Variants in KYNU observed in about 807,000 individuals in gnomAD.
The protein encoded by KYNU is kynureninase.
KYNU carries 54 observed loss-of-function variants against 59.2 expected under a neutral mutation model. That is an observed-to-expected ratio of 0.91 (90% CI 0.73 to 1.14). The LOEUF is 1.14. Ranked by LOEUF, KYNU falls within the 50% of genes most tolerant of loss-of-function variation. The pLI is 0.00. For missense variants in KYNU, 567 were observed against 554.4 expected (o/e 1.02, Z -0.23); for synonymous variants, 177 against 192.0 (o/e 0.92, Z 0.65).
At chr2:142,917,164 A>T (rs1014128357) in intron 2 of KYNU, among the ~76,000 whole-genome samples, 1 of 152,166 alleles carries the variant, frequency 6.6e-6, no homozygotes, top group Non-Finnish European at 1.5e-5. Flanking sequence ...GCCTTTGGGA[A>T]AAAAAGGTAA....
At chr2:142,995,520 T>A (rs1685514486) in intron 10 of KYNU, among the ~76,000 whole-genome samples, 1 of 152,066 alleles carries the variant, frequency 6.6e-6, no homozygotes, top group Admixed American at 6.6e-5. Flanking sequence ...GCAGAACAAT[T>A]GTGATTAGAT....
chr2:142,934,081 G>C (rs147916520), intron 4 of KYNU, among the ~76,000 whole-genome samples: 2,318 of 152,326 alleles, frequency 0.015, 32 homozygotes, highest in Non-Finnish European at 0.025. Flanking sequence ...TAAGCGATAA[G>C]TTTCATCTGG....
At chr2:142,933,421 G>A (rs1444191140) in intron 4 of KYNU, among the ~76,000 whole-genome samples, 2 of 152,144 alleles carry the variant, frequency 1.3e-5, no homozygotes, top group Non-Finnish European at 2.9e-5. Context: ...GGCTTTAGCA[G>A]CTTGGTATAA....
At chr2:143,004,876 AG>A (rs1685823997) in intron 10 of KYNU, among the ~76,000 whole-genome samples, 3 of 152,194 alleles carry the variant, frequency 2.0e-5, no homozygotes, top group African/African-American at 7.2e-5. Flanking sequence ...TGCCATCACC[AG>A]TATCTAACCC....
intron 2 of KYNU, among the ~76,000 whole-genome samples, chr2:142,895,687 T>C (rs1681845992): frequency 6.6e-6 from 1 of 152,134 alleles, no homozygotes; most frequent in African/African-American, 2.4e-5. Context: ...GTATTCTTTT[T>C]TTATTTTTAT....
At chr2:142,886,345 C>G (rs1366108579) in intron 2 of KYNU, among the ~76,000 whole-genome samples, 1 of 152,092 alleles carries the variant, frequency 6.6e-6, no homozygotes, top group African/African-American at 2.4e-5. Flanking sequence ...TCAGCTAATA[C>G]AATTTTAGGA....
chr2:142,901,335 G>T (rs1220882098), intron 2 of KYNU, among the ~76,000 whole-genome samples: 2 of 152,130 alleles, frequency 1.3e-5, no homozygotes, highest in African/African-American at 2.4e-5. Flanking sequence ...TCCTTGTGAG[G>T]TTCCCCGTTC....
intron 12 of KYNU, among the ~76,000 whole-genome samples, chr2:143,039,706 A>G (rs1260849772): frequency 1.3e-5 from 2 of 152,130 alleles, no homozygotes; most frequent in Admixed American, 6.6e-5. Flanking sequence ...GTGTGCATTC[A>G]TCTGAAGACA....
chr2:143,025,886 G>A (rs1686538732), intron 10 of KYNU, among the ~76,000 whole-genome samples: 2 of 152,162 alleles, frequency 1.3e-5, no homozygotes, highest in African/African-American at 2.4e-5. Context: ...AGTTAGAACT[G>A]TATGATATTT....
chr2:143,014,746 A>G (rs1414134094), intron 10 of KYNU, among the ~76,000 whole-genome samples: 3 of 152,254 alleles, frequency 2.0e-5, no homozygotes, highest in Admixed American at 6.5e-5. Flanking sequence ...TTAAAGTTTT[A>G]TCACCTCAAA....
intron 10 of KYNU, among the ~76,000 whole-genome samples, chr2:143,004,194 T>C (rs1275596657): frequency 1.3e-5 from 2 of 152,240 alleles, no homozygotes; most frequent in Non-Finnish European, 2.9e-5. Context: ...GGAGGGAATC[T>C]AACTAATGTT....
intron 10 of KYNU, among the ~76,000 whole-genome samples, chr2:143,002,739 T>C (rs568490545): frequency 6.6e-6 from 1 of 152,336 alleles, no homozygotes. Context: ...TTGCTCTGTC[T>C]CACAGCCACT....
intron 10 of KYNU, chr2:142,989,281 G>T: frequency 1.5e-6 from 1 of 648,388 alleles, no homozygotes; most frequent in Non-Finnish European, 2.0e-6. Flanking sequence ...AGCATTCCAC[G>T]ATTAGCTGGT....
intron 4 of KYNU, among the ~76,000 whole-genome samples, chr2:142,928,875 T>G (rs1375872024): frequency 2.0e-5 from 3 of 151,350 alleles, no homozygotes; most frequent in Admixed American, 6.6e-5. Flanking sequence ...CCAAGCATGC[T>G]GGCACACCCG....
At chr2:142,998,144 T>C (rs2105181432) in intron 10 of KYNU, among the ~76,000 whole-genome samples, 1 of 152,338 alleles carries the variant, frequency 6.6e-6, no homozygotes, top group East Asian at 1.9e-4. Context: ...TCTTAGTAAA[T>C]TAATTCCCTT....
intron 10 of KYNU, among the ~76,000 whole-genome samples, chr2:143,005,419 C>T (rs151066443): frequency 4.6e-5 from 7 of 152,202 alleles, no homozygotes; most frequent in African/African-American, 1.4e-4. Flanking sequence ...ATAAGAGTTT[C>T]CAGCGACCTA....
chr2:142,984,290 C>T (rs1685135476), intron 8 of KYNU, among the ~76,000 whole-genome samples: 1 of 151,976 alleles, frequency 6.6e-6, no homozygotes, highest in African/African-American at 2.4e-5. Context: ...CTATATTCAT[C>T]AGAATTATCT....
At position 142,960,622 on chromosome 2, in the gene KYNU, A is replaced by T. The variant is rs1397137524; in HGVS notation, c.583-2A>T. 2 of 1,612,882 alleles carry T rather than the reference A, an allele frequency of 1.2e-6. No individual in the cohort carries two copies. On this transcript the variant is annotated splice_acceptor_variant, in intron 7 of 13. Transcript: ENST00000264170. LOFTEE classifies it high-confidence loss of function. Reference sequence around the variant, plus strand: ...ACCTAACTTGTGCCTAACTTGATTTAGGGGGAAGAAACCTTAAGAATAGAG... The same window carrying T: ...ACCTAACTTGTGCCTAACTTGATTTTGGGGGAAGAAACCTTAAGAATAGAG...
At chr2:142,908,780 G>A (rs62169865) in intron 2 of KYNU, among the ~76,000 whole-genome samples, 20,308 of 151,800 alleles carry the variant, frequency 0.13, 1,620 homozygotes, top group African/African-American at 0.22. Flanking sequence ...GAACACATGC[G>A]CCCACCACCA....
Sources: gnomAD v4.1 joint callset for allele counts (sites outside exome capture counted in the v4.1 genomes callset) on GRCh38, gnomAD v4.1.1 for gene constraint, MANE v1.5 for transcripts, NCBI Gene and HGNC (gene_info 2026-07-23, HGNC 2026-07-21) for gene names.